Variants in RPS6KA2 observed in about 807,000 individuals in gnomAD.
RPS6KA2 encodes the protein ribosomal protein S6 kinase alpha-2.
RPS6KA2 carries 42 observed loss-of-function variants against 91.8 expected under a neutral mutation model. The observed-to-expected ratio is 0.46, with a 90% CI of 0.36 to 0.59. RPS6KA2 has a LOEUF of 0.59. Ranked by LOEUF, RPS6KA2 falls within the 20% of genes least tolerant of loss-of-function variation. RPS6KA2 has a pLI of 0.00. For synonymous variants in RPS6KA2, 414 were observed against 393.6 expected (o/e 1.05, Z -0.61); for missense variants, 798 against 978.5 (o/e 0.82, Z 2.46).
At position 166,498,633 on chromosome 6, in the gene RPS6KA2, C is replaced by G; in HGVS notation, c.622G>C (p.Glu208Gln). ...GCTCTCTTGTCGTGGTCAATGGCCT[C>G]CTTACTCAGGCCGAAATCTACATGC... ...IKITDFGLSK[E>Q]AIDHDKRAYS... is the part of the protein sequence containing the mutation. Residue 208 changes from glutamate to glutamine, a missense_variant, in exon 8 of 21, where the codon GAG (glutamate) becomes CAG (glutamine). Transcript: ENST00000265678. 6.2e-7 allele frequency: 1 copy of G among 1,613,488 alleles called. No individual in the cohort carries two copies. Among genetic ancestry groups the G allele is most frequent in the Non-Finnish European group, 8.5e-7 (1 of 1,179,884 alleles).
chr6:166,609,927 T>C (rs56216627), intron 1 of RPS6KA2, among the ~76,000 whole-genome samples: 12,605 of 152,306 alleles, frequency 0.083, 1,243 homozygotes, highest in African/African-American at 0.24. Context: ...CTACACTTAT[T>C]TGAAGATTTA....
chr6:166,628,153 C>T (rs1562352348), upstream of RPS6KA2, among the ~76,000 whole-genome samples: 1 of 152,250 alleles, frequency 6.6e-6, no homozygotes, highest in Non-Finnish European at 1.5e-5. Context: ...GGGCAAGGCC[C>T]TCAGACCCGC....
At chr6:166,610,723 G>A (rs1378069043) in intron 1 of RPS6KA2, among the ~76,000 whole-genome samples, 1 of 152,194 alleles carries the variant, frequency 6.6e-6, no homozygotes, top group Non-Finnish European at 1.5e-5. Context: ...ATGGAAAGTA[G>A]TGGTAAAGAA....
rs139584733 is a variant in RPS6KA2, at chr6:166,561,815, T to A, written c.100-23031A>T. On this transcript the variant is annotated intron_variant, in intron 1 of 20. Transcript: ENST00000265678. ...GGCTGCGGGTTGGACAAGCCTGGTT[T>A]ACACAGAGATTTTTGAGAGGGAGGC... Among the ~76,000 whole-genome samples the A allele has an allele frequency of 1.1e-3, 167 of 152,172 alleles. 2 individuals carry two copies. Among genetic ancestry groups the A allele is most frequent in the African/African-American group, 4.0e-3 (165 of 41,524 alleles).
intron 8 of RPS6KA2, among the ~76,000 whole-genome samples, chr6:166,492,598 C>T (rs1781630879): frequency 2.6e-5 from 4 of 152,200 alleles, no homozygotes; most frequent in African/African-American, 9.6e-5. Flanking sequence ...AGCTGTCATC[C>T]CATACACACC....
In RPS6KA2 at chr6:166,626,759, G is replaced by A. The variant is rs994479180; in HGVS notation, c.99+162C>T. The stretch of plus-strand genomic sequence containing the variant: ...ATTACTACGGAGTCCCAGCGATAAC[G>A]TTTGGAGCCGTTTGGTTCGATTTTC... On this transcript the variant is annotated intron_variant, in intron 1 of 20. Coordinates refer to ENST00000265678, the MANE Select transcript of RPS6KA2 (RefSeq NM_021135.6). This position sits in a 1 kb window ranked among gnomAD's most constrained non-coding sequence, Gnocchi z 4.1. 2.0e-5 allele frequency among the ~76,000 whole-genome samples: 3 copies of A among 152,170 alleles called. No individual in the cohort carries two copies. Among genetic ancestry groups the A allele is most frequent in the Admixed American group, 6.5e-5 (1 of 15,280 alleles).
intron 2 of RPS6KA2, chr6:166,701,315 C>T (rs1260264133): frequency 9.7e-6 from 15 of 1,543,062 alleles, no homozygotes; most frequent in Non-Finnish European, 1.3e-5. Flanking sequence ...ACCGTTTTGC[C>T]TCCTTTTCCA....
chr6:166,647,795 TACAC>T (rs543838139), intron 2 of RPS6KA2, among the ~76,000 whole-genome samples: 6 of 130,650 alleles, frequency 4.6e-5, no homozygotes, highest in South Asian at 2.7e-4. Context: ...TGCACATGCT[TACAC>T]ACATACATAC....
chr6:166,638,390 T>G (rs961197308), intron 2 of RPS6KA2, among the ~76,000 whole-genome samples: 2 of 152,016 alleles, frequency 1.3e-5, no homozygotes, highest in African/African-American at 4.8e-5. Flanking sequence ...AAGCAAGATA[T>G]GAAAATGCCA....
chr6:166,573,004 C>T (rs1463344164), intron 1 of RPS6KA2, among the ~76,000 whole-genome samples: 2 of 152,236 alleles, frequency 1.3e-5, no homozygotes, highest in African/African-American at 2.4e-5. Context: ...AGAGGCTCCT[C>T]TGCATGCCCA....
At chr6:166,547,404 A>G (rs1270533004) in intron 1 of RPS6KA2, among the ~76,000 whole-genome samples, 2 of 152,222 alleles carry the variant, frequency 1.3e-5, no homozygotes, top group Non-Finnish European at 2.9e-5. Flanking sequence ...CATCCCCAAA[A>G]TGGTTCTGAA....
chr6:166,502,610 C>T (rs1782064663), intron 6 of RPS6KA2, among the ~76,000 whole-genome samples: 1 of 152,348 alleles, frequency 6.6e-6, no homozygotes, highest in East Asian at 1.9e-4. Flanking sequence ...AACGTCCACA[C>T]AGACTCACAA....
In RPS6KA2 at chr6:166,412,682, G is replaced by A; in HGVS notation, c.*80C>T. 2.9e-6 allele frequency: 4 copies of A among 1,400,164 alleles called. No individual in the cohort carries two copies. Among genetic ancestry groups the A allele is most frequent in the South Asian group, 2.7e-5 (2 of 73,852 alleles). 86.7% of individuals were successfully genotyped at this position (1,400,164 alleles called of 1,614,324 possible). A position where few individuals can be genotyped will look rare whatever the true frequency, so the allele number is the denominator to read the frequency against. On this transcript the variant is annotated 3_prime_UTR_variant, in exon 21 of 21. Transcript: ENST00000265678. This position sits in a 1 kb window ranked among gnomAD's most constrained non-coding sequence, Gnocchi z 4.3. ...CCTGCTGGACTTGTGGTCACTCTGG[G>A]TGCCAGACGGGCTCCGAGGCCGGGG...
intron 2 of RPS6KA2, among the ~76,000 whole-genome samples, chr6:166,794,536 C>A (rs1429132987): frequency 6.6e-6 from 1 of 150,780 alleles, no homozygotes; most frequent in Non-Finnish European, 1.5e-5. Flanking sequence ...AATCATGCTG[C>A]TATAAAGACA....
chr6:166,425,257 A>G (rs938871164), intron 16 of RPS6KA2, among the ~76,000 whole-genome samples: 2 of 152,108 alleles, frequency 1.3e-5, no homozygotes, highest in African/African-American at 4.8e-5. Flanking sequence ...TTTAAAATTT[A>G]AAAAATTTTA....
intron 2 of RPS6KA2, chr6:166,757,435 C>T (rs878866552): frequency 2.7e-5 from 12 of 444,688 alleles, no homozygotes; most frequent in East Asian, 1.4e-4. Flanking sequence ...TGCCCCTGGC[C>T]GCCCAAGCTC....
intron 2 of RPS6KA2, among the ~76,000 whole-genome samples, chr6:166,659,335 G>C (rs1467874372): frequency 2.0e-5 from 3 of 152,170 alleles, no homozygotes; most frequent in African/African-American, 7.2e-5. Context: ...TCCCCCAGCT[G>C]TTCCCTGCTG....
At chr6:166,592,619 T>C (rs572868038) in intron 1 of RPS6KA2, among the ~76,000 whole-genome samples, 1 of 150,984 alleles carries the variant, frequency 6.6e-6, no homozygotes, top group Non-Finnish European at 1.5e-5. Flanking sequence ...CCCGGATTGA[T>C]GAGAGGGACA....
At chr6:166,861,244 TG>T (rs1308258166) in intron 1 of RPS6KA2, among the ~76,000 whole-genome samples, 1 of 152,238 alleles carries the variant, frequency 6.6e-6, no homozygotes, top group Non-Finnish European at 1.5e-5. Context: ...AGTACAGTGC[TG>T]GGAGTAGGAG....
Sources: gnomAD v4.1 joint callset for allele counts (sites outside exome capture counted in the v4.1 genomes callset) on GRCh38, gnomAD v4.1.1 for gene constraint, Gnocchi (gnomAD v3.1) non-coding constraint, MANE v1.5 for transcripts, NCBI Gene and HGNC (gene_info 2026-07-23, HGNC 2026-07-21) for gene names.